Variants in PCDH15 observed in about 807,000 individuals in gnomAD.
PCDH15 encodes the protein protocadherin related 15, also known as protocadherin-15.
Under a neutral mutation model 178.5 loss-of-function variants are expected in PCDH15, and 129 were observed. The observed-to-expected ratio is 0.72, with a 90% CI of 0.63 to 0.84. PCDH15 has a LOEUF of 0.84. Among genes scored for constraint, PCDH15 ranks in the 40% least tolerant of loss-of-function variants. The pLI, the probability that PCDH15 is intolerant of heterozygous loss-of-function variation, is 0.00. For synonymous variants in PCDH15, 800 were observed against 732.0 expected (o/e 1.09, Z -1.50); for missense variants, 2,230 against 2,099.9 (o/e 1.06, Z -1.21).
rs911710595 is a variant in PCDH15 at position 53,852,142 on chromosome 10, G to T, written c.3806+5033C>A. The stretch of plus-strand genomic sequence containing the variant: ...ATTCCTCTTATTTGAGTTTCATGGT[G>T]AACTGGGAGTAGAAAGAAGTTATAA... On this transcript the variant is annotated intron_variant, in intron 28 of 37. Coordinates refer to ENST00000644397, the MANE Select transcript of PCDH15 (RefSeq NM_001384140.1). 3.3e-5 allele frequency among the ~76,000 whole-genome samples: 5 copies of T among 152,120 alleles called. No homozygotes were observed. In the East Asian group the frequency reaches 9.7e-4, roughly 29 times the overall value.
intron 14 of PCDH15, among the ~76,000 whole-genome samples, chr10:54,142,912 T>C (rs982559262): frequency 6.6e-6 from 1 of 152,264 alleles, no homozygotes; most frequent in East Asian, 1.9e-4. Context: ...AGGTAAATGT[T>C]TTTGTTTTAT....
chr10:55,484,124 C>T (rs1046173337), intron 2 of PCDH15, among the ~76,000 whole-genome samples: 8 of 151,596 alleles, frequency 5.3e-5, no homozygotes, highest in African/African-American at 7.3e-5. Flanking sequence ...GAACAACACA[C>T]GCTGGGGCCT....
chr10:54,885,974 C>T (rs898622536), intron 3 of PCDH15, among the ~76,000 whole-genome samples: 1 of 151,972 alleles, frequency 6.6e-6, no homozygotes, highest in Non-Finnish European at 1.5e-5. Context: ...CTAAACATAC[C>T]CAACAAAATA....
intron 9 of PCDH15, among the ~76,000 whole-genome samples, chr10:54,217,224 C>T (rs201939247): frequency 3.3e-5 from 5 of 151,996 alleles, no homozygotes; most frequent in Admixed American, 3.3e-4. Flanking sequence ...AATTCAAGGA[C>T]TTCTCTAAAA....
At chr10:54,159,748 GT>G (rs2045524853) in intron 13 of PCDH15, among the ~76,000 whole-genome samples, 1 of 152,004 alleles carries the variant, frequency 6.6e-6, no homozygotes, top group Non-Finnish European at 1.5e-5. Flanking sequence ...TGGTAGAATT[GT>G]CCCTGTATAG....
At chr10:53,886,775 C>T (rs2081132209) in intron 26 of PCDH15, among the ~76,000 whole-genome samples, 1 of 152,038 alleles carries the variant, frequency 6.6e-6, no homozygotes, top group African/African-American at 2.4e-5. Flanking sequence ...TGAATATGTT[C>T]AGAGCTCACT....
chr10:53,872,094 C>T (rs530911704), intron 26 of PCDH15, among the ~76,000 whole-genome samples: 1 of 152,156 alleles, frequency 6.6e-6, no homozygotes, highest in African/African-American at 2.4e-5. Context: ...CACTCTACCC[C>T]TCCTTGTTGC....
intron 2 of PCDH15, among the ~76,000 whole-genome samples, chr10:55,429,247 T>G (rs1043129579): frequency 1.3e-5 from 2 of 152,238 alleles, no homozygotes; most frequent in South Asian, 4.1e-4. Flanking sequence ...TTTTAAGCAC[T>G]TCTTATAAGA....
chr10:54,434,722 C>G (rs2075268174), intron 3 of PCDH15, among the ~76,000 whole-genome samples: 1 of 152,148 alleles, frequency 6.6e-6, no homozygotes, highest in Admixed American at 6.5e-5. Context: ...TTTACTTATC[C>G]AAAATGAGCC....
intron 2 of PCDH15, among the ~76,000 whole-genome samples, chr10:54,657,193 A>C (rs2094421511): frequency 6.6e-6 from 1 of 152,202 alleles, no homozygotes; most frequent in African/African-American, 2.4e-5. Context: ...GAGTCAAAGG[A>C]CAATGTATAT....
At chr10:55,083,615 A>G (rs1015769020) in intron 2 of PCDH15, among the ~76,000 whole-genome samples, 5 of 152,022 alleles carry the variant, frequency 3.3e-5, no homozygotes, top group African/African-American at 1.2e-4. Context: ...AAAACAAAAG[A>G]GTGAAATTAT....
rs185328957 is a variant in PCDH15, at chr10:55,265,015, G to A, written c.-156+54584C>T. Among the ~76,000 whole-genome samples the A allele has an allele frequency of 2.7e-3, 407 of 152,114 alleles. 1 individual carries two copies. Among genetic ancestry groups the A allele is most frequent in the Non-Finnish European group, 4.5e-3 (308 of 68,006 alleles). Reference sequence around the variant, plus strand: ...AGGGAATTAAAGATACAAATCCGAGGCACTCCCAGTTGAGAAGCCAGCTCC... The same window carrying A: ...AGGGAATTAAAGATACAAATCCGAGACACTCCCAGTTGAGAAGCCAGCTCC... On this transcript the variant is annotated intron_variant, in intron 1 of 5. Coordinates refer to the PCDH15 transcript ENST00000458638.
At chr10:53,938,199 A>T (rs908885456) in intron 25 of PCDH15, among the ~76,000 whole-genome samples, 5 of 152,088 alleles carry the variant, frequency 3.3e-5, no homozygotes, top group Non-Finnish European at 5.9e-5. Context: ...TGAAGTTCGG[A>T]GTCACAGAAC....
intron 2 of PCDH15, among the ~76,000 whole-genome samples, chr10:55,077,736 G>A (rs978066680): frequency 5.3e-5 from 8 of 151,984 alleles, no homozygotes; most frequent in African/African-American, 1.7e-4. Flanking sequence ...TAGTGGAGAC[G>A]CGGATTCACC....
intron 2 of PCDH15, among the ~76,000 whole-genome samples, chr10:55,341,829 T>A (rs1239312525): frequency 8.6e-6 from 1 of 115,942 alleles, no homozygotes; most frequent in Non-Finnish European, 1.7e-5. Context: ...TTTTTTTTTT[T>A]TTAGTAGAGA....
chr10:55,550,359 A>G (rs1289517178), intron 2 of PCDH15, among the ~76,000 whole-genome samples: 1 of 152,164 alleles, frequency 6.6e-6, no homozygotes, highest in African/African-American at 2.4e-5. Context: ...CATAAAATCA[A>G]TCATCATTAT....
intron 2 of PCDH15, among the ~76,000 whole-genome samples, chr10:54,955,535 T>C (rs1056287267): frequency 6.6e-6 from 1 of 151,396 alleles, no homozygotes; most frequent in Non-Finnish European, 1.5e-5. Flanking sequence ...TTTTCTTCCA[T>C]AGCCCTCTTT....
At chr10:55,515,383 CATTT>C (rs1840988654) in intron 2 of PCDH15, among the ~76,000 whole-genome samples, 1 of 152,046 alleles carries the variant, frequency 6.6e-6, no homozygotes, top group Non-Finnish European at 1.5e-5. Context: ...TGGAAGGCTA[CATTT>C]ATTTCCCATA....
chr10:54,299,354 C>T (rs534192146), intron 8 of PCDH15, among the ~76,000 whole-genome samples: 1 of 151,554 alleles, frequency 6.6e-6, no homozygotes, highest in South Asian at 2.1e-4. Flanking sequence ...GAGAGACAGA[C>T]AAGAAGTCAA....
Sources: gnomAD v4.1 joint callset for allele counts (sites outside exome capture counted in the v4.1 genomes callset) on GRCh38, gnomAD v4.1.1 for gene constraint, MANE v1.5 for transcripts, NCBI Gene and HGNC (gene_info 2026-07-23, HGNC 2026-07-21) for gene names.